Variants in DIP2C observed in about 807,000 individuals in gnomAD.
DIP2C encodes the protein disco-interacting protein 2 homolog C.
Under a neutral mutation model 192.4 loss-of-function variants are expected in DIP2C, and 33 were observed. The observed-to-expected ratio is 0.17, with a 90% CI of 0.13 to 0.23. The LOEUF (loss-of-function observed/expected upper bound fraction) is 0.23. Ranked by LOEUF, DIP2C falls within the 10% of genes least tolerant of loss-of-function variation. DIP2C has a pLI of 1.00. For missense variants in DIP2C, 1,537 were observed against 2,110.1 expected (o/e 0.73, Z 5.32); for synonymous variants, 979 against 864.1 (o/e 1.13, Z -2.33).
At chr10:533,208 C>T (rs998872396) in intron 1 of DIP2C, among the ~76,000 whole-genome samples, 4 of 152,088 alleles carry the variant, frequency 2.6e-5, no homozygotes, top group African/African-American at 7.2e-5. Context: ...GCAGCATCTC[C>T]GGTATGAGGA....
At chr10:458,573 C>T (rs944377759) in intron 3 of DIP2C, among the ~76,000 whole-genome samples, 10 of 151,372 alleles carry the variant, frequency 6.6e-5, no homozygotes, top group South Asian at 2.1e-4. Context: ...GCTCAGAACC[C>T]GTGACGGCAA....
In DIP2C at chr10:275,610, T is replaced by C. The variant is rs1180251803; in HGVS notation, c.*1715A>G. ...CTGCCCACAACATAATGAAAGATCA[T>C]CTACATTTTGCCCAGCATCAATCTT... On this transcript the variant is annotated 3_prime_UTR_variant, in exon 37 of 37. Coordinates refer to ENST00000280886, the MANE Select transcript of DIP2C (RefSeq NM_014974.3). 2 of 151,730 alleles carry C rather than the reference T, an allele frequency of 1.3e-5. No homozygotes were observed. The highest frequency in any genetic ancestry group is 4.8e-5 in the African/African-American group (2 of 41,296). The allele number at this position is 151,730 out of a possible 1,614,324, so 9.4% of individuals were successfully genotyped here.
At chr10:303,716 T>TTC (rs1271850479) in intron 32 of DIP2C, among the ~76,000 whole-genome samples, 5 of 152,116 alleles carry the variant, frequency 3.3e-5, no homozygotes, top group African/African-American at 1.2e-4. Context: ...AGAGACGGGG[T>TTC]TCCTCCATGT....
intron 1 of DIP2C, among the ~76,000 whole-genome samples, chr10:648,661 G>T (rs1312549012): frequency 6.6e-6 from 1 of 151,254 alleles, no homozygotes; most frequent in Non-Finnish European, 1.5e-5. Context: ...TTGGATGGTG[G>T]GAGAGAACAT....
chr10:479,326 T>G (rs114033841), intron 2 of DIP2C, among the ~76,000 whole-genome samples: 1,986 of 135,172 alleles, frequency 0.015, 58 homozygotes, highest in African/African-American at 0.052. Flanking sequence ...ATTCTCACAC[T>G]GCTTTTTTTT....
chr10:335,559 C>G (rs1957719589), intron 29 of DIP2C, among the ~76,000 whole-genome samples: 2 of 152,362 alleles, frequency 1.3e-5, no homozygotes, highest in African/African-American at 2.4e-5. Context: ...CTCACGACAC[C>G]AGGCTTTGGG....
At chr10:474,494 C>G (rs1369301560) in intron 2 of DIP2C, among the ~76,000 whole-genome samples, 1 of 152,178 alleles carries the variant, frequency 6.6e-6, no homozygotes, top group Admixed American at 6.6e-5. Context: ...CCTGGAAGTC[C>G]TCTTGGAGCC....
intron 26 of DIP2C, among the ~76,000 whole-genome samples, chr10:347,494 A>G (rs1204625789): frequency 6.4e-5 from 5 of 78,038 alleles, no homozygotes; most frequent in African/African-American, 2.1e-4. Context: ...TCACCCGGAC[A>G]CATTGCGCAT....
intron 1 of DIP2C, among the ~76,000 whole-genome samples, chr10:522,673 T>A (rs549930536): frequency 2.8e-4 from 42 of 152,376 alleles, no homozygotes; most frequent in Non-Finnish European, 4.7e-4. Context: ...CTGTGTCTCT[T>A]CTTTGTTGGG....
intron 1 of DIP2C, among the ~76,000 whole-genome samples, chr10:566,090 G>C (rs1016659096): frequency 2.0e-5 from 3 of 152,186 alleles, no homozygotes; most frequent in African/African-American, 7.2e-5. Flanking sequence ...TCAACACTGG[G>C]ACATGCTCTA....
intron 4 of DIP2C, among the ~76,000 whole-genome samples, chr10:433,893 TTGTC>T (rs1360124657): frequency 2.7e-5 from 4 of 149,900 alleles, no homozygotes; most frequent in African/African-American, 1.0e-4. Flanking sequence ...TGTTGCCCTT[TTGTC>T]TTTTTTTTTC....
chr10:388,274 C>T (rs1174251323), intron 13 of DIP2C, among the ~76,000 whole-genome samples: 2 of 152,298 alleles, frequency 1.3e-5, no homozygotes, highest in Non-Finnish European at 1.5e-5. Context: ...GGAGGCACTG[C>T]AATTTGGAAG....
At chr10:375,029 T>C (rs920940887) in intron 17 of DIP2C, among the ~76,000 whole-genome samples, 8 of 152,184 alleles carry the variant, frequency 5.3e-5, no homozygotes, top group African/African-American at 1.9e-4. Flanking sequence ...CAGAGTCCTC[T>C]CTTGGAGATA....
intron 3 of DIP2C, among the ~76,000 whole-genome samples, chr10:463,810 A>T (rs1969985062): frequency 6.6e-6 from 1 of 152,158 alleles, no homozygotes; most frequent in Non-Finnish European, 1.5e-5. Context: ...GACCAAGGGA[A>T]CAGAACAGAG....
intron 1 of DIP2C, among the ~76,000 whole-genome samples, chr10:543,035 C>A (rs1233329871): frequency 6.6e-6 from 1 of 152,188 alleles, no homozygotes; most frequent in African/African-American, 2.4e-5. Context: ...GACACCAATA[C>A]CAAAAGTCAG....
chr10:599,792 G>C (rs1369076472), intron 1 of DIP2C, among the ~76,000 whole-genome samples: 1 of 152,214 alleles, frequency 6.6e-6, no homozygotes, highest in African/African-American at 2.4e-5. Context: ...CTGCTTTTGA[G>C]GAGAGGGGAC....
chr10:612,512 A>G (rs1482186513), intron 1 of DIP2C, among the ~76,000 whole-genome samples: 2 of 152,220 alleles, frequency 1.3e-5, no homozygotes, highest in African/African-American at 4.8e-5. Context: ...AGTGTGGGGT[A>G]AGACCTCAAG....
chr10:672,363 G>A (rs1372075473), intron 1 of DIP2C, among the ~76,000 whole-genome samples: 2 of 152,250 alleles, frequency 1.3e-5, no homozygotes, highest in Admixed American at 6.5e-5. Context: ...GCACACGCCA[G>A]TGTGGAACAT....
At chr10:298,603 A>G (rs1388772269) in intron 32 of DIP2C, among the ~76,000 whole-genome samples, 3 of 152,198 alleles carry the variant, frequency 2.0e-5, no homozygotes, top group Non-Finnish European at 4.4e-5. Context: ...CCCATGCCTC[A>G]GGCCCATTAG....
Sources: allele counts gnomAD v4.1 joint callset (sites outside exome capture counted in the v4.1 genomes callset), GRCh38; gene constraint gnomAD v4.1.1; transcripts MANE v1.5; gene names NCBI Gene and HGNC (gene_info 2026-07-23, HGNC 2026-07-21).